The following PHF24 variants were observed in gnomAD, a reference collection of about 807,000 sequenced individuals.
The protein encoded by PHF24 is PHD finger protein 24.
In PHF24, 25 loss-of-function variants were observed where a neutral mutation model predicts 42.6. The ratio of observed to expected loss-of-function variants is 0.59; its 90% CI spans 0.43 to 0.82. PHF24 has a LOEUF of 0.82. Among genes scored for constraint, PHF24 ranks in the 40% least tolerant of loss-of-function variants. The pLI is 0.00. For synonymous variants in PHF24, 185 were observed against 204.8 expected (o/e 0.90, Z 0.83); for missense variants, 470 against 538.1 (o/e 0.87, Z 1.25).
At chr9:34,936,937 GA>G in the PHF24 span, among the ~76,000 whole-genome samples, 26 of 148,862 alleles carry the variant, frequency 1.7e-4, no homozygotes, top group South Asian at 4.8e-3. Context: ...GGGAAGTGAG[GA>G]GCGTCTCCAC....
the PHF24 span, among the ~76,000 whole-genome samples, chr9:34,881,533 C>A: frequency 6.6e-6 from 1 of 152,240 alleles, no homozygotes; most frequent in Non-Finnish European, 1.5e-5. Flanking sequence ...GGGGATATCA[C>A]CACCGATCCC....
the PHF24 span, among the ~76,000 whole-genome samples, chr9:34,817,945 C>T: frequency 1.3e-5 from 2 of 152,148 alleles, no homozygotes; most frequent in Non-Finnish European, 2.9e-5. Context: ...GTCTTTATTC[C>T]AATACCACAC....
At chr9:34,978,766 A>C (rs912641504) in exon 8 of PHF24, 1 of 152,204 alleles carries the variant, frequency 6.6e-6, no homozygotes, top group Non-Finnish European at 1.5e-5. Context: ...TTTAAATTCC[A>C]ATTCCTGGTG....
At chr9:34,956,971 C>G (rs867486916), upstream of PHF24, among the ~76,000 whole-genome samples, 8 of 152,332 alleles carry the variant, frequency 5.3e-5, no homozygotes, top group Admixed American at 2.0e-4. Context: ...ACCTCCATCA[C>G]ATATTAGCCA....
chr9:34,804,261 A>AGT, the PHF24 span, among the ~76,000 whole-genome samples: 1 of 152,192 alleles, frequency 6.6e-6, no homozygotes, highest in Non-Finnish European at 1.5e-5. Context: ...TTGATGAGTA[A>AGT]GTTTGAGGTG....
chr9:34,977,307 C>A, intron 6 of PHF24, 64 bp downstream of exon 6: 1 of 1,508,372 alleles, frequency 6.6e-7, no homozygotes, highest in Non-Finnish European at 8.9e-7. Flanking sequence ...ATGCCAGTGG[C>A]CCTTCCATAC....
At chr9:34,733,513 T>G in the PHF24 span, among the ~76,000 whole-genome samples, 1 of 151,718 alleles carries the variant, frequency 6.6e-6, no homozygotes, top group Non-Finnish European at 1.5e-5. Context: ...CTTTTTTTTT[T>G]TTTGAGACGG....
chr9:34,970,606 A>C (rs192541943), intron 1 of PHF24, among the ~76,000 whole-genome samples: 15 of 152,326 alleles, frequency 9.8e-5, no homozygotes, highest in Admixed American at 9.1e-4. Context: ...CCCCAGATGG[A>C]TTGTTCATGG....
At chr9:34,893,711 C>T in the PHF24 span, among the ~76,000 whole-genome samples, 1 of 152,114 alleles carries the variant, frequency 6.6e-6, no homozygotes, top group Non-Finnish European at 1.5e-5. Context: ...CATGGGAGGG[C>T]GTGGCCCTCA....
At chr9:34,794,593 A>G in the PHF24 span, among the ~76,000 whole-genome samples, 46,174 of 152,028 alleles carry the variant, frequency 0.3, 7,530 homozygotes, top group East Asian at 0.56. Context: ...GAAACAAGTA[A>G]GAATAGAACA....
the PHF24 span, among the ~76,000 whole-genome samples, chr9:34,916,687 C>A: frequency 7.9e-5 from 12 of 152,268 alleles, no homozygotes; most frequent in East Asian, 2.3e-3. Flanking sequence ...TGCCATATTA[C>A]AAGTTATACC....
At chr9:34,931,375 CAAAA>C in the PHF24 span, among the ~76,000 whole-genome samples, 3 of 82,926 alleles carry the variant, frequency 3.6e-5, no homozygotes, top group African/African-American at 5.1e-5. Flanking sequence ...GACTCTGTAT[CAAAA>C]AAAAAAAAAA....
At chr9:34,680,703 T>A in the PHF24 span, among the ~76,000 whole-genome samples, 584 of 61,318 alleles carry the variant, frequency 9.5e-3, 8 homozygotes, top group Non-Finnish European at 0.014. Context: ...AAAAAATAAA[T>A]AAATAAAAAA....
the PHF24 span, among the ~76,000 whole-genome samples, chr9:34,787,328 A>T: frequency 2.1e-5 from 3 of 143,408 alleles, no homozygotes; most frequent in Non-Finnish European, 4.6e-5. Flanking sequence ...TTTTAAAATT[A>T]AAAAAAAAAA....
At chr9:34,836,609 C>T in the PHF24 span, among the ~76,000 whole-genome samples, 190 of 152,260 alleles carry the variant, frequency 1.2e-3, no homozygotes, top group African/African-American at 4.3e-3. Flanking sequence ...ATGATAGGCT[C>T]CTGTCTTAGG....
At chr9:34,719,291 G>C in the PHF24 span, among the ~76,000 whole-genome samples, 11 of 152,266 alleles carry the variant, frequency 7.2e-5, no homozygotes, top group Non-Finnish European at 1.5e-4. Context: ...CACCCGCCTC[G>C]GCCTTCCAAA....
the PHF24 span, chr9:34,895,095 A>G: frequency 3.8e-5 from 15 of 398,580 alleles, no homozygotes; most frequent in East Asian, 5.0e-4. Context: ...CTTAAAGACA[A>G]AAACATTAGA....
chr9:34,684,835 G>A, the PHF24 span, among the ~76,000 whole-genome samples: 1 of 152,132 alleles, frequency 6.6e-6, no homozygotes, highest in Non-Finnish European at 1.5e-5. Context: ...CCTGTGGCTG[G>A]GGTGAAAGCT....
At chr9:34,790,535 T>C in the PHF24 span, among the ~76,000 whole-genome samples, 48,763 of 152,122 alleles carry the variant, frequency 0.32, 8,349 homozygotes, top group East Asian at 0.56. Context: ...GCTGATTAAA[T>C]GTAGCCATCA....
Sources: gnomAD v4.1 joint callset for allele counts (sites outside exome capture counted in the v4.1 genomes callset) on GRCh38, gnomAD v4.1.1 for gene constraint, MANE v1.5 for transcripts, NCBI Gene and HGNC (gene_info 2026-07-23, HGNC 2026-07-21) for gene names.